SMC6: variants seen among roughly 807,000 people sequenced by gnomAD.
SMC6 encodes structural maintenance of chromosomes protein 6.
In SMC6, 79 loss-of-function variants were observed where a neutral mutation model predicts 142.2. The observed-to-expected ratio is 0.56, with a 90% CI of 0.46 to 0.67. SMC6 has a LOEUF of 0.67. Ranked by LOEUF, SMC6 falls within the 30% of genes least tolerant of loss-of-function variation. The probability of loss-of-function intolerance (pLI) is 0.00; values close to 1 mark genes in which losing one functional copy is unlikely to be tolerated. For synonymous variants in SMC6, 411 were observed against 412.4 expected (o/e 1.00, Z 0.04); for missense variants, 1,072 against 1,284.0 (o/e 0.83, Z 2.52).
At chr2:17,744,040 G>A (rs1670610953) in intron 3 of SMC6, among the ~76,000 whole-genome samples, 1 of 152,182 alleles carries the variant, frequency 6.6e-6, no homozygotes, top group African/African-American at 2.4e-5. Context: ...TTATAAACAT[G>A]AATGCACAGG....
intron 23 of SMC6, among the ~76,000 whole-genome samples, chr2:17,687,620 C>T (rs1221534947): frequency 6.6e-6 from 1 of 152,106 alleles, no homozygotes; most frequent in Non-Finnish European, 1.5e-5. Flanking sequence ...TAAAAAAGAA[C>T]TGTTGCCTAT....
chr2:17,704,460 T>A (rs1347996620), intron 18 of SMC6, among the ~76,000 whole-genome samples: 1 of 152,192 alleles, frequency 6.6e-6, no homozygotes, highest in African/African-American at 2.4e-5. Flanking sequence ...CAGAGTCAAC[T>A]GGCTTCAGAA....
intron 16 of SMC6, among the ~76,000 whole-genome samples, chr2:17,711,128 G>A (rs1196607637): frequency 1.3e-5 from 2 of 152,074 alleles, no homozygotes; most frequent in Non-Finnish European, 2.9e-5. Context: ...CTAGGAAGGA[G>A]TCACCATTTT....
chr2:17,726,557 A>C, intron 7 of SMC6, 88 bp from the exon 8 acceptor site: 1 of 1,074,274 alleles, frequency 9.3e-7, no homozygotes, highest in South Asian at 1.5e-5. Context: ...CAAGTGACCT[A>C]TGGTGCCATC....
chr2:17,692,844 C>T lies in SMC6; in HGVS notation c.2678+2308G>A, dbSNP rs565189447. Reference sequence around the variant, plus strand: ...TAATATCCAGAATCTACAATGAACTCAAACAAATTTACAAGAAAAAAACAA... The same window carrying T: ...TAATATCCAGAATCTACAATGAACTTAAACAAATTTACAAGAAAAAAACAA... On this transcript the variant is annotated intron_variant, in intron 23 of 27. Coordinates refer to ENST00000448223, the MANE Select transcript of SMC6 (RefSeq NM_001142286.2). Among the ~76,000 whole-genome samples the T allele has an allele frequency of 3.9e-5, 6 of 152,140 alleles. No homozygotes were observed. The East Asian group carries it at 1.2e-3, about 29-fold the overall frequency.
chr2:17,715,374 GT>G (rs1472713898), intron 15 of SMC6, among the ~76,000 whole-genome samples: 4 of 151,460 alleles, frequency 2.6e-5, no homozygotes, highest in Non-Finnish European at 5.9e-5. Flanking sequence ...TCTATGTTCA[GT>G]TTATACTATT....
chr2:17,708,495 A>C, intron 17 of SMC6, 144 bp downstream of exon 17: 3 of 375,286 alleles, frequency 8.0e-6, no homozygotes. Flanking sequence ...ATATTATCCT[A>C]CAGATTTTCC....
intron 1 of SMC6, among the ~76,000 whole-genome samples, chr2:17,753,410 T>A (rs1375842824): frequency 9.0e-6 from 1 of 111,596 alleles, no homozygotes; most frequent in Admixed American, 8.1e-5. Context: ...AGGAGACCGG[T>A]GCCGCCTCGG....
chr2:17,670,657 A>T (rs1666711419), intron 25 of SMC6, 82 bp from the exon 26 acceptor site: 1 of 1,298,126 alleles, frequency 7.7e-7, no homozygotes, highest in African/African-American at 1.5e-5. Flanking sequence ...CAGATAAATA[A>T]TAGATTTACA....
intron 5 of SMC6, among the ~76,000 whole-genome samples, chr2:17,733,418 T>C (rs951604837): frequency 7.9e-5 from 12 of 152,048 alleles, no homozygotes; most frequent in Non-Finnish European, 1.6e-4. Context: ...ACTAAGAAAA[T>C]GTGGTTAAAA....
intron 16 of SMC6, among the ~76,000 whole-genome samples, chr2:17,711,144 A>G (rs541546167): frequency 3.3e-4 from 50 of 152,290 alleles, no homozygotes; most frequent in Admixed American, 8.5e-4. Flanking sequence ...ATTTTCGGGC[A>G]GCCAAAGGCC....
chr2:17,722,991 A>G (rs537996935), intron 9 of SMC6, among the ~76,000 whole-genome samples: 1 of 149,408 alleles, frequency 6.7e-6, no homozygotes, highest in African/African-American at 2.5e-5. Flanking sequence ...AATATAATTC[A>G]GCTTTCTTAA....
intron 16 of SMC6, among the ~76,000 whole-genome samples, chr2:17,709,424 T>C (rs904169985): frequency 1.3e-5 from 2 of 152,164 alleles, no homozygotes; most frequent in African/African-American, 4.8e-5. Flanking sequence ...TGTAAACATG[T>C]GAGCTATCAA....
chr2:17,682,157 GC>G (rs1196133845), intron 24 of SMC6: 1 of 152,254 alleles, frequency 6.6e-6, no homozygotes, highest in East Asian at 1.9e-4. Flanking sequence ...CTATCTTCAG[GC>G]TCCACATCTA....
chr2:17,713,712 T>C (rs897185165), intron 16 of SMC6: 12 of 316,560 alleles, frequency 3.8e-5, no homozygotes, highest in African/African-American at 2.7e-4. Context: ...CAAATTTTAT[T>C]GATTTTGCCC....
At chr2:17,747,694 G>A (rs1033333538) in intron 2 of SMC6, among the ~76,000 whole-genome samples, 1 of 151,900 alleles carries the variant, frequency 6.6e-6, no homozygotes, top group Non-Finnish European at 1.5e-5. Flanking sequence ...AGTAGACATG[G>A]GGTTTTGCCA....
chr2:17,718,483 T>G (rs745750670), intron 11 of SMC6, among the ~76,000 whole-genome samples: 14 of 152,080 alleles, frequency 9.2e-5, no homozygotes, highest in African/African-American at 3.1e-4. Flanking sequence ...AAGAGAGAGA[T>G]ATAATTTAGC....
Position 17,705,201 on chromosome 2 carries a change from T to G in SMC6, c.2007-1909A>C, listed in dbSNP as rs1010759707. On this transcript the variant is annotated intron_variant, in intron 18 of 27. Coordinates refer to ENST00000448223, the MANE Select transcript of SMC6 (RefSeq NM_001142286.2). ...TGAACCCAGGAGGTGGAGGTTGCAG[T>G]GAGCCAAGATTGCACCACTGCACTC... Among the ~76,000 whole-genome samples, 7 of 152,064 alleles carry G rather than the reference T, an allele frequency of 4.6e-5. No individual in the cohort carries two copies. The South Asian group carries it at 1.4e-3, about 31-fold the overall frequency.
chr2:17,719,918 G>T (rs1669286132), intron 11 of SMC6, among the ~76,000 whole-genome samples: 1 of 152,152 alleles, frequency 6.6e-6, no homozygotes, highest in Admixed American at 6.6e-5. Context: ...AGCTAGGAAA[G>T]ATTACATTCT....
Sources: gnomAD v4.1 joint callset for allele counts (sites outside exome capture counted in the v4.1 genomes callset) on GRCh38, gnomAD v4.1.1 for gene constraint, MANE v1.5 for transcripts, NCBI Gene and HGNC (gene_info 2026-07-23, HGNC 2026-07-21) for gene names.